EP400: variants seen among roughly 807,000 people sequenced by gnomAD.
EP400 encodes E1A-binding protein p400.
EP400 carries 105 observed loss-of-function variants against 354.1 expected under a neutral mutation model. That is an observed-to-expected ratio of 0.30 (90% CI 0.25 to 0.35). The LOEUF (loss-of-function observed/expected upper bound fraction) is 0.35, where lower values mean the gene tolerates loss of function less well. Ranked by LOEUF, EP400 falls within the 10% of genes least tolerant of loss-of-function variation. The pLI is 1.00. For missense variants in EP400, 3,280 were observed against 4,121.0 expected (o/e 0.80, Z 5.59); for synonymous variants, 1,646 against 1,716.9 (o/e 0.96, Z 1.02).
chr12:132,062,845 C>A, intron 47 of EP400, 144 bp downstream of exon 47: 1 of 1,055,476 alleles, frequency 9.5e-7, no homozygotes, highest in Non-Finnish European at 1.4e-6. Flanking sequence ...ACGCGTGCTT[C>A]GTTTTATTGG....
Position 131,987,852 on chromosome 12 carries a change from G to A in EP400, c.2371G>A (p.Ala791Thr). ...GATGCAGTGGATGGCCACAGACTTT[G>A]CCCAGGAGAGGAGGTGGAAGGTGGC... ...EEMQWMATDF[A>T]QERRWKVAAA... The change falls in exon 7 of 53, where the codon GCC becomes ACC. Residue 791 changes from alanine (A) to threonine (T), a missense_variant. Around this residue, in one of 20 missense-constraint regions of EP400, gnomAD observed 800 missense variants for 840.0 expected, o/e 0.95. Coordinates refer to ENST00000389561, the MANE Select transcript of EP400 (RefSeq NM_015409.5). The A allele has an allele frequency of 6.2e-7, 1 of 1,612,826 alleles. No homozygotes were observed. Among genetic ancestry groups the A allele is most frequent in the Non-Finnish European group, 8.5e-7 (1 of 1,179,370 alleles).
rs1446125461 is a variant in EP400 at position 132,078,840 on chromosome 12, C to G, written c.*1167C>G. ...GAAGGCGTGCCGTTGAGGGGGAAAA[C>G]GAAGCCCAGTATTTGCTACTGTTTT... On this transcript the variant is annotated 3_prime_UTR_variant, in exon 53 of 53. Coordinates refer to ENST00000389561, the MANE Select transcript of EP400 (RefSeq NM_015409.5). The G allele has an allele frequency of 6.6e-6, 1 of 152,224 alleles. No individual in the cohort carries two copies. The highest frequency in any genetic ancestry group is 1.9e-4 in the East Asian group (1 of 5,204). 9.4% of individuals were successfully genotyped at this position (152,224 alleles called of 1,614,324 possible). A position where few individuals can be genotyped will look rare whatever the true frequency, so the allele number is the denominator to read the frequency against.
In EP400 at chr12:132,079,044, G is replaced by A. The variant is rs549259776; in HGVS notation, c.*1371G>A. On this transcript the variant is annotated 3_prime_UTR_variant, in exon 53 of 53. Transcript: ENST00000389561. Reference sequence around the variant, plus strand: ...GGTCCAGGAAATTAGGTTATATTAGGTTTTTTGTATACTAAAAATCAGTTA... The same window carrying A: ...GGTCCAGGAAATTAGGTTATATTAGATTTTTTGTATACTAAAAATCAGTTA... 1 of 152,228 alleles carries A rather than the reference G, an allele frequency of 6.6e-6. No homozygotes were observed. Among genetic ancestry groups the A allele is most frequent in the East Asian group, 1.9e-4 (1 of 5,186 alleles). 9.4% of individuals were successfully genotyped at this position (152,228 alleles called of 1,614,324 possible). A position where few individuals can be genotyped will look rare whatever the true frequency, so the allele number is the denominator to read the frequency against.
At chr12:132,041,454 C>T (rs1365484024) in intron 32 of EP400, among the ~76,000 whole-genome samples, 1 of 152,254 alleles carries the variant, frequency 6.6e-6, no homozygotes, top group African/African-American at 2.4e-5. Flanking sequence ...CCTGCTTCTG[C>T]ACTTTCCATA....
rs1895906590 is a variant in EP400, at chr12:132,066,760, T to C, written c.8554-14T>C. 2.5e-6 allele frequency: 4 copies of C among 1,609,488 alleles called. No individual in the cohort carries two copies. The highest frequency in any genetic ancestry group is 3.4e-6 in the Non-Finnish European group (4 of 1,178,454). On this transcript the variant is annotated splice_polypyrimidine_tract_variant and intron_variant, in intron 48 of 52. Coordinates refer to ENST00000389561, the MANE Select transcript of EP400 (RefSeq NM_015409.5). ...TGAATTTCTCTGGACTCTCCCATTA[T>C]TTCTACTGTTTAGACCCGGGTTCCC...
In EP400 at chr12:132,006,553, A is replaced by T. The variant is rs1025371560; in HGVS notation, c.3127-147A>T. ...CCTAGCGAGACTCGATCTCCAAAAG[A>T]AGCAATTCTTCCTCTTCCTGTTTTC... On this transcript the variant is annotated intron_variant, in intron 14 of 52. Coordinates refer to ENST00000389561, the MANE Select transcript of EP400 (RefSeq NM_015409.5). 2.5e-5 allele frequency: 24 copies of T among 956,852 alleles called. No homozygotes were observed. The African/African-American group carries it at 4.0e-4, about 16-fold the overall frequency. 59.3% of individuals were successfully genotyped at this position (956,852 alleles called of 1,614,324 possible).
At chr12:132,062,735 G>A (rs760468652) in intron 47 of EP400, 34 bp downstream of exon 47, 14 of 1,607,736 alleles carry the variant, frequency 8.7e-6, no homozygotes, top group East Asian at 4.5e-5. Flanking sequence ...GAACGTGTGC[G>A]TCTTGCGGTC....
chr12:132,011,571 G>T lies in EP400; in HGVS notation c.3378G>T (p.Trp1126Cys). The T allele has an allele frequency of 6.2e-7, 1 of 1,613,996 alleles. No homozygotes were observed. Among genetic ancestry groups the T allele is most frequent in the Non-Finnish European group, 8.5e-7 (1 of 1,179,986 alleles). The change falls in exon 16 of 53, where the codon TGG becomes TGT. Residue 1126 changes from tryptophan to cysteine, a missense_variant. Around this residue, in one of 20 missense-constraint regions of EP400, gnomAD observed 242 missense variants for 357.9 expected, o/e 0.68. Transcript: ENST00000389561. ...ILKWELELKR[W>C]CPGLKILSYI... The stretch of plus-strand genomic sequence containing the variant: ...AGTGGGAGCTTGAATTGAAACGTTG[G>T]TGTCCCGGACTCAAAATCCTCTCAT...
At chr12:131,995,180 C>A (rs967406383) in intron 12 of EP400, among the ~76,000 whole-genome samples, 2 of 152,186 alleles carry the variant, frequency 1.3e-5, no homozygotes, top group African/African-American at 4.8e-5. Flanking sequence ...CTGCCACCTG[C>A]GTGTGTCTCC....
intron 2 of EP400, among the ~76,000 whole-genome samples, chr12:131,978,793 T>C (rs1393552538): frequency 6.6e-6 from 1 of 152,218 alleles, no homozygotes; most frequent in Non-Finnish European, 1.5e-5. Context: ...GATTAAGGCA[T>C]AAGCCACCAC....
rs112715830 is a variant in EP400 at position 132,013,706 on chromosome 12, C to T, written c.3786+42C>T. On this transcript the variant is annotated intron_variant, in intron 18 of 52. Transcript: ENST00000389561. The surrounding 1 kb of genome is among the most constrained non-coding windows in gnomAD (Gnocchi z 4.5). ...CATTTCAGTTAATTAATTAAACATG[C>T]GTATGCCTTGTTATAAACGTGTTAC... 5.2e-5 allele frequency: 83 copies of T among 1,607,912 alleles called. No individual in the cohort carries two copies. The highest frequency in any genetic ancestry group is 1.1e-4 in the African/African-American group (8 of 74,798).
intron 19 of EP400, among the ~76,000 whole-genome samples, chr12:132,014,487 C>T (rs1026964099): frequency 2.0e-5 from 3 of 152,188 alleles, no homozygotes; most frequent in Admixed American, 1.3e-4. Flanking sequence ...TGACCCTCTC[C>T]GAGGTCTTCA....
At chr12:132,006,434 T>G in intron 14 of EP400, 132 bp downstream of exon 14, 1 of 1,143,482 alleles carries the variant, frequency 8.7e-7, no homozygotes, top group Non-Finnish European at 1.2e-6. Flanking sequence ...AAAAAGCAAT[T>G]CTTCATGTGC....
chr12:132,045,943 G>T, intron 39 of EP400, 43 bp downstream of exon 39: 2 of 1,604,598 alleles, frequency 1.2e-6, no homozygotes, highest in South Asian at 2.2e-5. Flanking sequence ...GCACAGGCAG[G>T]TGTGGTGGCC....
At chr12:132,023,240 C>G (rs549479959) in intron 23 of EP400, among the ~76,000 whole-genome samples, 1 of 143,210 alleles carries the variant, frequency 7.0e-6, no homozygotes, top group Non-Finnish European at 1.5e-5. Context: ...TCAAGCAATT[C>G]TTCTGCCTCA....
intron 22 of EP400, 117 bp downstream of exon 22, chr12:132,020,335 C>A: frequency 1.6e-6 from 2 of 1,236,200 alleles, no homozygotes; most frequent in Non-Finnish European, 1.1e-6. Flanking sequence ...GGAACAGGCA[C>A]CACCCGCTGG....
In EP400 at chr12:131,982,603, A is replaced by G. The variant is rs1051673682; in HGVS notation, c.1929+125A>G. 6.8e-5 allele frequency: 79 copies of G among 1,164,252 alleles called. No individual in the cohort carries two copies. In the African/African-American group the frequency reaches 8.7e-4, roughly 13 times the overall value. The allele number at this position is 1,164,252 out of a possible 1,614,324, so 72.1% of individuals were successfully genotyped here. ...TTTCTCTTAGCAGCTTGCTCCCCCA[A>G]TTTAGAACAATTACTCAATTCAGTA... On this transcript the variant is annotated intron_variant, in intron 5 of 52. Coordinates refer to ENST00000389561, the MANE Select transcript of EP400 (RefSeq NM_015409.5).
At chr12:132,063,797 G>C (rs117612506) in intron 47 of EP400, among the ~76,000 whole-genome samples, 1 of 152,132 alleles carries the variant, frequency 6.6e-6, no homozygotes, top group Admixed American at 6.5e-5. Flanking sequence ...GCCATCCCTC[G>C]AGGGCTGCAT....
intron 2 of EP400, among the ~76,000 whole-genome samples, chr12:131,967,697 A>G (rs1380664307): frequency 2.0e-5 from 3 of 148,684 alleles, no homozygotes; most frequent in Non-Finnish European, 4.5e-5. Context: ...CTCAAAAAGA[A>G]AAAAAAAAAA....
Sources: allele counts gnomAD v4.1 joint callset (sites outside exome capture counted in the v4.1 genomes callset), GRCh38; gene constraint gnomAD v4.1.1; regional missense constraint gnomAD v4.1.1; non-coding constraint Gnocchi (gnomAD v3.1); transcripts MANE v1.5; gene names NCBI Gene and HGNC (gene_info 2026-07-23, HGNC 2026-07-21).